Variants in FSTL4 observed in about 807,000 individuals in gnomAD.
FSTL4 encodes follistatin like 4, also known as follistatin-related protein 4.
In FSTL4, 28 loss-of-function variants were observed where a neutral mutation model predicts 78.2. The observed-to-expected ratio is 0.36, with a 90% CI of 0.27 to 0.49. The LOEUF (loss-of-function observed/expected upper bound fraction) is 0.49. Ranked by LOEUF, FSTL4 falls within the 20% of genes least tolerant of loss-of-function variation. FSTL4 has a pLI of 0.98. For missense variants in FSTL4, 922 were observed against 1,084.9 expected (o/e 0.85, Z 2.11); for synonymous variants, 422 against 440.5 (o/e 0.96, Z 0.53).
At chr5:133,701,932 A>T in the FSTL4 span, among the ~76,000 whole-genome samples, 1 of 152,176 alleles carries the variant, frequency 6.6e-6, no homozygotes. Context: ...ACCTATGTAG[A>T]GCACATAGCT....
the FSTL4 span, among the ~76,000 whole-genome samples, chr5:133,786,316 T>A: frequency 1.6e-3 from 241 of 152,358 alleles, no homozygotes; most frequent in African/African-American, 5.4e-3. Flanking sequence ...GTTAAATGTT[T>A]CATGGGCCAA....
chr5:133,261,808 T>C (rs758887543), intron 6 of FSTL4, among the ~76,000 whole-genome samples: 3 of 152,088 alleles, frequency 2.0e-5, no homozygotes, highest in African/African-American at 4.8e-5. Flanking sequence ...CTGGACAACA[T>C]GGCGAAACTC....
chr5:133,510,009 A>G (rs1758693080), intron 3 of FSTL4, among the ~76,000 whole-genome samples: 1 of 152,244 alleles, frequency 6.6e-6, no homozygotes, highest in African/African-American at 2.4e-5. Context: ...CTCATACTTC[A>G]TAATCATAAC....
At chr5:133,398,895 A>G (rs1256430309) in intron 4 of FSTL4, among the ~76,000 whole-genome samples, 1 of 152,184 alleles carries the variant, frequency 6.6e-6, no homozygotes, top group Admixed American at 6.5e-5. Flanking sequence ...GGCAACTCAC[A>G]ATGTGTGAAA....
the FSTL4 span, among the ~76,000 whole-genome samples, chr5:133,687,355 C>T: frequency 1.2e-4 from 18 of 152,192 alleles, no homozygotes; most frequent in African/African-American, 4.3e-4. Flanking sequence ...TTCAACCAGC[C>T]CCTCTTATCT....
At chr5:133,450,808 C>G (rs1757368626) in intron 3 of FSTL4, among the ~76,000 whole-genome samples, 1 of 152,198 alleles carries the variant, frequency 6.6e-6, no homozygotes, top group African/African-American at 2.4e-5. Context: ...TCAGATCCAT[C>G]AGGGAGCTGG....
At chr5:133,227,629 G>T (rs1400575068) in intron 8 of FSTL4, among the ~76,000 whole-genome samples, 1 of 152,018 alleles carries the variant, frequency 6.6e-6, no homozygotes, top group Non-Finnish European at 1.5e-5. Context: ...AATAAGCTTG[G>T]GTTCTTACTA....
intron 3 of FSTL4, among the ~76,000 whole-genome samples, chr5:133,540,720 C>CAAAAAAAAAAAAAAAAAAAAAAAAAAAAG (rs79162509): frequency 1.4e-5 from 1 of 70,266 alleles, no homozygotes; most frequent in African/African-American, 5.7e-5. Flanking sequence ...TTAACATAGG[C>CAAAAAAAAAAAAAAAAAAAAAAAAAAAAG]AAAAAAAAAA....
At chr5:133,511,367 C>A (rs1357929304) in intron 3 of FSTL4, among the ~76,000 whole-genome samples, 1 of 152,198 alleles carries the variant, frequency 6.6e-6, no homozygotes, top group Non-Finnish European at 1.5e-5. Context: ...TTCTCCTCCC[C>A]AGTAGCCAGC....
At chr5:133,544,287 T>C (rs1759530098) in intron 3 of FSTL4, among the ~76,000 whole-genome samples, 2 of 152,310 alleles carry the variant, frequency 1.3e-5, no homozygotes, top group African/African-American at 2.4e-5. Flanking sequence ...TCCATTAAAA[T>C]TGCCACAAAT....
At chr5:133,679,303 T>G in the FSTL4 span, among the ~76,000 whole-genome samples, 3 of 152,074 alleles carry the variant, frequency 2.0e-5, no homozygotes, top group South Asian at 4.2e-4. Flanking sequence ...TCGGTACAGT[T>G]TAGGCACAGT....
At chr5:133,685,641 C>G in the FSTL4 span, among the ~76,000 whole-genome samples, 1 of 152,360 alleles carries the variant, frequency 6.6e-6, no homozygotes, top group East Asian at 1.9e-4. Flanking sequence ...TGCCTCACCC[C>G]TCTCAGTGGG....
chr5:133,261,152 C>T (rs1280053799), intron 6 of FSTL4, among the ~76,000 whole-genome samples: 1 of 152,146 alleles, frequency 6.6e-6, no homozygotes, highest in Non-Finnish European at 1.5e-5. Flanking sequence ...CTGGCTAATT[C>T]GGAAATTCTA....
intron 3 of FSTL4, among the ~76,000 whole-genome samples, chr5:133,489,066 C>T (rs1758202633): frequency 6.6e-6 from 1 of 152,270 alleles, no homozygotes; most frequent in African/African-American, 2.4e-5. Context: ...TTGACTCCTC[C>T]TTCCTCTGGG....
intron 3 of FSTL4, among the ~76,000 whole-genome samples, chr5:133,460,887 T>G (rs1377695158): frequency 6.6e-6 from 1 of 152,262 alleles, no homozygotes; most frequent in East Asian, 1.9e-4. Flanking sequence ...TCCTTCAGGT[T>G]ACGCCAAGCA....
the FSTL4 span, among the ~76,000 whole-genome samples, chr5:133,632,817 G>C: frequency 6.6e-6 from 1 of 152,096 alleles, no homozygotes; most frequent in East Asian, 1.9e-4. Flanking sequence ...CTCCCAAGTA[G>C]CTGGGACTGG....
chr5:133,350,827 AAGG>A (rs1754805631), intron 4 of FSTL4, among the ~76,000 whole-genome samples: 2 of 152,124 alleles, frequency 1.3e-5, no homozygotes, highest in African/African-American at 4.8e-5. Context: ...GGAAAGGAAG[AAGG>A]AGGACATCCC....
the FSTL4 span, among the ~76,000 whole-genome samples, chr5:133,704,070 C>T: frequency 2.0e-5 from 3 of 152,032 alleles, no homozygotes; most frequent in Non-Finnish European, 2.9e-5. Flanking sequence ...GGTGGAGGGA[C>T]AGGGAACAGG....
chr5:133,262,398 C>G (rs191236456), intron 6 of FSTL4, among the ~76,000 whole-genome samples: 2 of 152,284 alleles, frequency 1.3e-5, no homozygotes, highest in East Asian at 1.9e-4. Flanking sequence ...ACCTAAAGGG[C>G]CTAATTGTAA....
Sources: gnomAD v4.1 joint callset for allele counts (sites outside exome capture counted in the v4.1 genomes callset) on GRCh38, gnomAD v4.1.1 for gene constraint, MANE v1.5 for transcripts, NCBI Gene and HGNC (gene_info 2026-07-23, HGNC 2026-07-21) for gene names.